EXOC6B: variants seen among roughly 807,000 people sequenced by gnomAD.
EXOC6B encodes exocyst complex component 6B.
Under a neutral mutation model 113.5 loss-of-function variants are expected in EXOC6B, and 54 were observed. That is an observed-to-expected ratio of 0.48 (90% confidence interval 0.38 to 0.60). The LOEUF (loss-of-function observed/expected upper bound fraction) is 0.60. Ranked by LOEUF, EXOC6B falls within the 20% of genes least tolerant of loss-of-function variation. EXOC6B has a pLI of 0.00. For missense variants in EXOC6B, 797 were observed against 977.5 expected (o/e 0.82, Z 2.46); for synonymous variants, 357 against 339.0 (o/e 1.05, Z -0.58).
intron 20 of EXOC6B, among the ~76,000 whole-genome samples, chr2:72,330,536 T>C (rs1688363123): frequency 6.6e-6 from 1 of 152,094 alleles, no homozygotes; most frequent in East Asian, 1.9e-4. Context: ...CTTTAAATAT[T>C]TTCTTCCCTT....
chr2:72,413,620 T>C (rs923745697), intron 18 of EXOC6B, among the ~76,000 whole-genome samples: 1 of 151,012 alleles, frequency 6.6e-6, no homozygotes, highest in African/African-American at 2.4e-5. Flanking sequence ...AAGGCAGAGA[T>C]TGCAGTGAGC....
intron 18 of EXOC6B, among the ~76,000 whole-genome samples, chr2:72,408,327 G>C (rs922031483): frequency 1.3e-5 from 2 of 152,116 alleles, no homozygotes. Context: ...TCCTCATCAA[G>C]CTACAAATGA....
intron 17 of EXOC6B, among the ~76,000 whole-genome samples, chr2:72,479,969 A>G (rs1020227733): frequency 1.3e-5 from 2 of 152,148 alleles, no homozygotes; most frequent in Non-Finnish European, 2.9e-5. Context: ...TTGAGAAGCC[A>G]AGGTGGGTGG....
chr2:72,782,548 G>A (rs973085373), intron 1 of EXOC6B, among the ~76,000 whole-genome samples: 1 of 152,112 alleles, frequency 6.6e-6, no homozygotes, highest in African/African-American at 2.4e-5. Context: ...CAAGTCCTCT[G>A]TTCTAGCTAT....
chr2:72,707,735 A>G (rs1047414797), intron 6 of EXOC6B, among the ~76,000 whole-genome samples: 5 of 152,084 alleles, frequency 3.3e-5, no homozygotes, highest in African/African-American at 9.7e-5. Context: ...TCATTAGAAA[A>G]CAAAGTTCCT....
At chr2:72,258,374 T>G (rs1683486510) in intron 20 of EXOC6B, among the ~76,000 whole-genome samples, 1 of 147,328 alleles carries the variant, frequency 6.8e-6, no homozygotes, top group Non-Finnish European at 1.5e-5. Context: ...TTTTTTTTTT[T>G]TTTTTTTGAG....
chr2:72,564,246 C>A (rs1200298319), intron 7 of EXOC6B, among the ~76,000 whole-genome samples: 1 of 152,062 alleles, frequency 6.6e-6, no homozygotes, highest in Non-Finnish European at 1.5e-5. Context: ...ACAGCTGCAC[C>A]AGAAGATACA....
chr2:72,695,437 T>A (rs1228917763), intron 6 of EXOC6B, among the ~76,000 whole-genome samples: 2 of 152,138 alleles, frequency 1.3e-5, no homozygotes, highest in African/African-American at 4.8e-5. Context: ...GTTTTCTTCA[T>A]CATAAATACA....
intron 20 of EXOC6B, among the ~76,000 whole-genome samples, chr2:72,209,651 C>T (rs1230855661): frequency 6.6e-6 from 1 of 152,114 alleles, no homozygotes; most frequent in Non-Finnish European, 1.5e-5. Flanking sequence ...AGCCAAACAC[C>T]CAGTGCAGAC....
At chr2:72,637,837 C>A (rs996079133) in intron 6 of EXOC6B, among the ~76,000 whole-genome samples, 2 of 149,442 alleles carry the variant, frequency 1.3e-5, no homozygotes. Flanking sequence ...ATATAACATA[C>A]CAAAACCTCT....
intron 20 of EXOC6B, among the ~76,000 whole-genome samples, chr2:72,242,723 A>G (rs1682393190): frequency 6.6e-6 from 1 of 152,172 alleles, no homozygotes. Context: ...ACCCAATTAT[A>G]TGTTATATAT....
intron 6 of EXOC6B, among the ~76,000 whole-genome samples, chr2:72,618,704 T>C (rs1313474935): frequency 6.6e-6 from 1 of 152,230 alleles, no homozygotes; most frequent in Non-Finnish European, 1.5e-5. Flanking sequence ...GAAAAAAAGA[T>C]GGATGTGGTA....
At chr2:72,625,991 A>G (rs1168784316) in intron 6 of EXOC6B, among the ~76,000 whole-genome samples, 2 of 152,076 alleles carry the variant, frequency 1.3e-5, no homozygotes, top group Non-Finnish European at 2.9e-5. Flanking sequence ...TTCCTTTTGA[A>G]TTTACCCTCA....
At chr2:72,462,718 A>G (rs1225285241) in intron 18 of EXOC6B, 2 of 152,094 alleles carry the variant, frequency 1.3e-5, no homozygotes, top group African/African-American at 4.8e-5. Flanking sequence ...GTTGTTTATA[A>G]ATTTCTCAGT....
At chr2:72,256,490 A>AATC (rs1179242469) in intron 20 of EXOC6B, among the ~76,000 whole-genome samples, 1 of 152,206 alleles carries the variant, frequency 6.6e-6, no homozygotes, top group Non-Finnish European at 1.5e-5. Context: ...AATGGGAATT[A>AATC]GATTAGGGTT....
intron 8 of EXOC6B, among the ~76,000 whole-genome samples, chr2:72,522,227 G>A (rs1701528866): frequency 6.6e-6 from 1 of 151,854 alleles, no homozygotes; most frequent in South Asian, 2.1e-4. Context: ...CAATTCACTG[G>A]CTACTTGATT....
chr2:72,658,262 T>A (rs1573570815), intron 6 of EXOC6B, among the ~76,000 whole-genome samples: 3 of 23,572 alleles, frequency 1.3e-4, no homozygotes, highest in Admixed American at 4.6e-4. Flanking sequence ...ATATAAAAAC[T>A]AGGGGAAAAA....
In EXOC6B at chr2:72,825,159, T is replaced by A. The variant is rs1301452474; in HGVS notation, c.113+639A>T. Among the ~76,000 whole-genome samples the A allele has an allele frequency of 2.6e-5, 4 of 151,548 alleles. No individual in the cohort carries two copies. Among genetic ancestry groups the A allele is most frequent in the African/African-American group, 4.9e-5 (2 of 41,224 alleles). ...ATGGAGATGTGCGTGCAAAAAAAAATGATAACTGGGGGGCGGCAGCAGGGT... is the reference window on the plus strand; with the variant it reads ...ATGGAGATGTGCGTGCAAAAAAAAAAGATAACTGGGGGGCGGCAGCAGGGT... On this transcript the variant is annotated intron_variant, in intron 1 of 21. Transcript: ENST00000272427. The surrounding 1 kb of genome is among the most constrained non-coding windows in gnomAD (Gnocchi z 4.4).
chr2:72,472,283 G>T (rs1698458314), intron 17 of EXOC6B, among the ~76,000 whole-genome samples: 1 of 152,034 alleles, frequency 6.6e-6, no homozygotes, highest in South Asian at 2.1e-4. Context: ...TTCAGGATTG[G>T]TATGAGTTAT....
Sources: gnomAD v4.1 joint callset for allele counts (sites outside exome capture counted in the v4.1 genomes callset) on GRCh38, gnomAD v4.1.1 for gene constraint, Gnocchi (gnomAD v3.1) non-coding constraint, MANE v1.5 for transcripts, NCBI Gene and HGNC (gene_info 2026-07-23, HGNC 2026-07-21) for gene names.